BASP1: variants seen among roughly 807,000 people sequenced by gnomAD.
BASP1 encodes the protein brain abundant membrane attached signal protein 1, also known as brain acid soluble protein 1.
A neutral mutation model predicts 2.2 loss-of-function variants in BASP1; 1 was observed. The ratio of observed to expected loss-of-function variants is 0.46; its 90% CI spans 0.16 to 2.17. The LOEUF is 2.17. Among genes scored for constraint, BASP1 ranks in the 30% most tolerant of loss-of-function variants. BASP1 has a pLI of 0.27. For missense variants in BASP1, 352 were observed against 327.2 expected, an observed-to-expected ratio of 1.08 and a Z score of -0.58; for synonymous variants, 187 against 154.2, an observed-to-expected ratio of 1.21 and a Z score of -1.58.
chr5:17,239,618 G>A (rs1480908547), intron 1 of BASP1, among the ~76,000 whole-genome samples: 1 of 152,140 alleles, frequency 6.6e-6, no homozygotes, highest in Non-Finnish European at 1.5e-5. Flanking sequence ...TGTCAATCTT[G>A]TAATACAACT....
rs546574703 is a variant in BASP1, at chr5:17,271,387, G to T, written c.-9-3821G>T. The stretch of plus-strand genomic sequence containing the variant: ...TCCACCCACCTCGGCCTCCCAAAGT[G>T]CTGGGATTACAGGTGTGAGCCACCA... On this transcript the variant is annotated intron_variant, in intron 1 of 1. Transcript: ENST00000322611. 2.0e-5 allele frequency among the ~76,000 whole-genome samples: 3 copies of T among 152,328 alleles called. No homozygotes were observed. In the South Asian group the frequency reaches 6.2e-4, roughly 32 times the overall value.
At position 17,260,213 on chromosome 5, in the gene BASP1, T is replaced by G. The variant is rs1430337632; in HGVS notation, c.-9-14995T>G. Among the ~76,000 whole-genome samples, 2 of 152,206 alleles carry G rather than the reference T, an allele frequency of 1.3e-5. No homozygotes were observed. The highest frequency in any genetic ancestry group is 4.8e-5 in the African/African-American group (2 of 41,446). On this transcript the variant is annotated intron_variant, in intron 1 of 1. Coordinates refer to ENST00000322611, the MANE Select transcript of BASP1 (RefSeq NM_006317.5). The surrounding 1 kb of genome is among the most constrained non-coding windows in gnomAD (Gnocchi z 4.2). ...GAATAATGCATGTTTCCTGATAGTG[T>G]TTGCTACATGTGGCAGGATGTATTA...
intron 1 of BASP1, among the ~76,000 whole-genome samples, chr5:17,239,017 G>A (rs1321103408): frequency 2.0e-5 from 3 of 152,068 alleles, no homozygotes; most frequent in Non-Finnish European, 4.4e-5. Context: ...CAATAGCTGG[G>A]GAATAAAACC....
intron 1 of BASP1, among the ~76,000 whole-genome samples, chr5:17,262,056 A>AT (rs1381644188): frequency 6.6e-6 from 1 of 151,918 alleles, no homozygotes; most frequent in African/African-American, 2.4e-5. Flanking sequence ...GCTTTGTAAA[A>AT]TTTTCTCTTT....
chr5:17,223,642 T>C (rs1739434119), intron 1 of BASP1, among the ~76,000 whole-genome samples: 1 of 152,142 alleles, frequency 6.6e-6, no homozygotes, highest in Admixed American at 6.5e-5. Flanking sequence ...CTTTTTTTAA[T>C]TGAAGGAAAA....
upstream of BASP1, chr5:17,217,053 G>GGAGGGAGAGAGA (rs1739251353): frequency 9.6e-6 from 1 of 104,146 alleles, no homozygotes; most frequent in African/African-American, 3.9e-5. Context: ...TAAATGAGGG[G>GGAGGGAGAGAGA]GAGAGAGAGA....
chr5:17,223,490 AG>A (rs1188267804), intron 1 of BASP1, among the ~76,000 whole-genome samples: 2 of 152,192 alleles, frequency 1.3e-5, no homozygotes, highest in African/African-American at 4.8e-5. Context: ...TGCCTTGCTC[AG>A]TAGGTAGAAT....
At chr5:17,226,326 G>T (rs1739504413) in intron 1 of BASP1, among the ~76,000 whole-genome samples, 1 of 152,152 alleles carries the variant, frequency 6.6e-6, no homozygotes, top group Non-Finnish European at 1.5e-5. Context: ...AACTTTTCCT[G>T]GTTGAGCTTT....
At chr5:17,218,301 G>C (rs1213229249) in intron 1 of BASP1, among the ~76,000 whole-genome samples, 1 of 151,588 alleles carries the variant, frequency 6.6e-6, no homozygotes, top group East Asian at 2.0e-4. Flanking sequence ...GCGGGAGTCC[G>C]GGGAGAAAGA....
At chr5:17,224,382 G>T (rs538811057) in intron 1 of BASP1, among the ~76,000 whole-genome samples, 3 of 145,998 alleles carry the variant, frequency 2.1e-5, no homozygotes, top group Non-Finnish European at 3.0e-5. Flanking sequence ...ATTTCAATCC[G>T]TGTAGATGGA....
At chr5:17,244,694 GTTT>G (rs79126102) in intron 1 of BASP1, among the ~76,000 whole-genome samples, 4 of 138,286 alleles carry the variant, frequency 2.9e-5, no homozygotes, top group Non-Finnish European at 1.6e-5. Flanking sequence ...TAATTGTAGT[GTTT>G]TTTTTTTTTT....
intron 1 of BASP1, among the ~76,000 whole-genome samples, chr5:17,230,548 G>A (rs1431407552): frequency 6.6e-6 from 1 of 152,072 alleles, no homozygotes; most frequent in Admixed American, 6.6e-5. Flanking sequence ...CCTTTTGAGA[G>A]GGTCCTTTTT....
At chr5:17,246,481 G>A (rs1739994377) in intron 1 of BASP1, among the ~76,000 whole-genome samples, 1 of 152,064 alleles carries the variant, frequency 6.6e-6, no homozygotes, top group Non-Finnish European at 1.5e-5. Context: ...GGGTGAGACT[G>A]TGTCTCAATA....
intron 1 of BASP1, among the ~76,000 whole-genome samples, chr5:17,242,034 T>C (rs1464969121): frequency 6.6e-6 from 1 of 152,144 alleles, no homozygotes; most frequent in Non-Finnish European, 1.5e-5. Context: ...AGAAAACACC[T>C]CTCTCATTCA....
intron 1 of BASP1, among the ~76,000 whole-genome samples, chr5:17,224,473 G>T: frequency 7.9e-6 from 1 of 125,912 alleles, no homozygotes; most frequent in African/African-American, 3.0e-5. Flanking sequence ...AAGGGGAAGG[G>T]GGGCTCTTGA....
At chr5:17,229,670 C>T (rs192132963) in intron 1 of BASP1, among the ~76,000 whole-genome samples, 95 of 152,240 alleles carry the variant, frequency 6.2e-4, no homozygotes, top group African/African-American at 2.2e-3. Flanking sequence ...TGCTCTCCTC[C>T]TGTGTCTACT....
intron 1 of BASP1, among the ~76,000 whole-genome samples, chr5:17,248,400 T>A (rs1740036138): frequency 6.6e-6 from 1 of 152,192 alleles, no homozygotes; most frequent in African/African-American, 2.4e-5. Flanking sequence ...CTTTTATAAT[T>A]AAAAATTTCC....
intron 1 of BASP1, among the ~76,000 whole-genome samples, chr5:17,219,142 C>A (rs1193236848): frequency 6.7e-6 from 1 of 150,070 alleles, no homozygotes; most frequent in South Asian, 2.1e-4. Flanking sequence ...GGCCAACAGA[C>A]CCCCAGTATA....
intron 1 of BASP1, among the ~76,000 whole-genome samples, chr5:17,228,988 G>T (rs78448202): frequency 6.6e-6 from 1 of 152,000 alleles, no homozygotes; most frequent in Admixed American, 6.6e-5. Context: ...GTTGGAAGGG[G>T]GTGAGAATTC....
Sources: allele counts gnomAD v4.1 joint callset (sites outside exome capture counted in the v4.1 genomes callset), GRCh38; gene constraint gnomAD v4.1.1; non-coding constraint Gnocchi (gnomAD v3.1); transcripts MANE v1.5; gene names NCBI Gene and HGNC (gene_info 2026-07-23, HGNC 2026-07-21).